ST6GALNAC2: variants seen among roughly 807,000 people sequenced by gnomAD.
ST6GALNAC2 encodes the protein ST6 N-acetylgalactosaminide alpha-2,6-sialyltransferase 2, also known as alpha-N-acetylgalactosaminide alpha-2,6-sialyltransferase 2.
In ST6GALNAC2, 42 loss-of-function variants were observed where a neutral mutation model predicts 38.7. The ratio of observed to expected loss-of-function variants is 1.09; its 90% confidence interval spans 0.85 to 1.40. The LOEUF (loss-of-function observed/expected upper bound fraction) is 1.40. Among genes scored for constraint, ST6GALNAC2 ranks in the 40% most tolerant of loss-of-function variants. The pLI is 0.00. For missense variants in ST6GALNAC2, 506 were observed against 481.7 expected (o/e 1.05, Z -0.47); for synonymous variants, 233 against 209.0 (o/e 1.11, Z -0.99).
At chr17:76,585,133 C>A (rs967643163) in intron 1 of ST6GALNAC2, among the ~76,000 whole-genome samples, 1 of 152,234 alleles carries the variant, frequency 6.6e-6, no homozygotes, top group African/African-American at 2.4e-5. Context: ...CGCGCCCGCA[C>A]TGGGCTTATC....
intron 7 of ST6GALNAC2, 163 bp from the exon 8 acceptor site, chr17:76,567,715 C>A: frequency 3.6e-6 from 2 of 560,788 alleles, no homozygotes. Flanking sequence ...ATCTTTGAGA[C>A]CTTAGGTAAG....
chr17:76,567,852 C>G (rs2075304256), intron 7 of ST6GALNAC2: 5 of 334,112 alleles, frequency 1.5e-5, no homozygotes, highest in South Asian at 1.5e-4. Flanking sequence ...TAGCCTGAGA[C>G]TGCAGTTTCT....
At chr17:76,581,516 G>A (rs568438731) in intron 1 of ST6GALNAC2, among the ~76,000 whole-genome samples, 1 of 152,172 alleles carries the variant, frequency 6.6e-6, no homozygotes, top group Non-Finnish European at 1.5e-5. Context: ...TGCGGGACAG[G>A]GCAGAGTTGA....
chr17:76,566,086 G>A lies in ST6GALNAC2; in HGVS notation c.*18C>T, dbSNP rs763798211. On this transcript the variant is annotated 3_prime_UTR_variant, in exon 9 of 9. Transcript: ENST00000225276. ...GGGCCGCAACTCTTGAAGAAGCAAA[G>A]GGCTCAGTGCATTGGGGTCAGCGCT... The A allele has an allele frequency of 1.2e-6, 2 of 1,600,968 alleles. No homozygotes were observed. The highest frequency in any genetic ancestry group is 1.1e-5 in the South Asian group (1 of 89,620).
intron 2 of ST6GALNAC2, among the ~76,000 whole-genome samples, chr17:76,577,573 A>ATTT (rs71158024): frequency 4.7e-4 from 55 of 117,104 alleles, no homozygotes; most frequent in South Asian, 8.4e-4. Flanking sequence ...TGGCCTCTGT[A>ATTT]TTTTTTTTTT....
At chr17:76,570,890 G>T in intron 5 of ST6GALNAC2, 2 of 526,256 alleles carry the variant, frequency 3.8e-6, no homozygotes, top group Non-Finnish European at 6.9e-6. Flanking sequence ...CCTGGAGTAT[G>T]GGCTGGACTT....
At chr17:76,579,880 G>GT (rs1297345478) in intron 1 of ST6GALNAC2, among the ~76,000 whole-genome samples, 1 of 152,158 alleles carries the variant, frequency 6.6e-6, no homozygotes, top group Non-Finnish European at 1.5e-5. Context: ...GTAACTCTCT[G>GT]TTTTTTGTAA....
chr17:76,583,549 A>C (rs1811823219), intron 1 of ST6GALNAC2, among the ~76,000 whole-genome samples: 1 of 151,504 alleles, frequency 6.6e-6, no homozygotes, highest in South Asian at 2.1e-4. Context: ...TTCATTTCTT[A>C]CAGTTATGGA....
intron 2 of ST6GALNAC2, among the ~76,000 whole-genome samples, chr17:76,575,066 T>C (rs9906851): frequency 0.71 from 107,465 of 151,996 alleles, 39,273 homozygotes; most frequent in East Asian, 0.84. Context: ...CCAGAGGCCA[T>C]GTCCCCTTGG....
At chr17:76,566,699 T>A (rs1490224705) in intron 8 of ST6GALNAC2, among the ~76,000 whole-genome samples, 7 of 146,472 alleles carry the variant, frequency 4.8e-5, no homozygotes, top group South Asian at 4.3e-4. Context: ...CTACAAAAAG[T>A]AAAAAAAAAA....
chr17:76,585,248 G>A (rs977124510), intron 1 of ST6GALNAC2, among the ~76,000 whole-genome samples: 16 of 152,216 alleles, frequency 1.1e-4, no homozygotes, highest in African/African-American at 3.6e-4. Context: ...GAGGGTCCCC[G>A]CGAAGTTGGA....
At chr17:76,582,420 C>T (rs1242692773) in intron 1 of ST6GALNAC2, among the ~76,000 whole-genome samples, 1 of 147,576 alleles carries the variant, frequency 6.8e-6, no homozygotes, top group Non-Finnish European at 1.5e-5. Context: ...CTGCCTGCCT[C>T]AGCCTCCCAA....
In ST6GALNAC2 at chr17:76,572,769, A is replaced by T; in HGVS notation, c.537T>A (p.Asn179Lys). Residue 179 changes from asparagine (N) to lysine (K), a missense_variant, in exon 5 of 9, where the codon AAT becomes AAA. Coordinates refer to ENST00000225276, the MANE Select transcript of ST6GALNAC2 (RefSeq NM_006456.3). ...GCTCGAAGCCTTTGATCACAGCTCC[A>T]TTGAGTCTGGTTGGCACAGAGGCCC... ...IDAHDYVFRL[N>K]GAVIKGFERD... 1 of 1,613,950 alleles carries T rather than the reference A, an allele frequency of 6.2e-7. No individual in the cohort carries two copies. Among genetic ancestry groups the T allele is most frequent in the Middle Eastern group, 1.6e-4 (1 of 6,062 alleles).
intron 1 of ST6GALNAC2, chr17:76,579,035 T>C: frequency 3.0e-6 from 1 of 329,360 alleles, no homozygotes; most frequent in Non-Finnish European, 5.7e-6. Context: ...TTCTCCTGCC[T>C]CAGCCTCCTG....
chr17:76,578,435 A>T (rs1408372020), intron 2 of ST6GALNAC2, among the ~76,000 whole-genome samples: 4 of 152,186 alleles, frequency 2.6e-5, no homozygotes, highest in Non-Finnish European at 5.9e-5. Flanking sequence ...TGTGACTTTT[A>T]TAGGAAGTAG....
At chr17:76,575,559 C>A (rs141403334) in intron 2 of ST6GALNAC2, among the ~76,000 whole-genome samples, 4 of 152,198 alleles carry the variant, frequency 2.6e-5, no homozygotes, top group African/African-American at 9.6e-5. Context: ...TTCGAGCCTT[C>A]GGAGGGAGCG....
intron 2 of ST6GALNAC2, among the ~76,000 whole-genome samples, chr17:76,577,162 G>C (rs1174715492): frequency 6.7e-6 from 1 of 148,956 alleles, no homozygotes; most frequent in African/African-American, 2.5e-5. Context: ...CACCTCCCAG[G>C]TTCAAGTGAT....
chr17:76,568,932 G>T, intron 6 of ST6GALNAC2, 136 bp from the exon 7 acceptor site: 2 of 749,120 alleles, frequency 2.7e-6, no homozygotes, highest in African/African-American at 1.8e-5. Flanking sequence ...AGTAGCGGGA[G>T]AAGGGGGTGT....
chr17:76,572,734 C>A lies in ST6GALNAC2; in HGVS notation c.572G>T (p.Gly191Val). The A allele has an allele frequency of 1.2e-6, 2 of 1,614,174 alleles. No homozygotes were observed. The highest frequency in any genetic ancestry group is 1.7e-6 in the Non-Finnish European group (2 of 1,180,012). The change falls in exon 5 of 9, where the codon GGC (glycine) becomes GTC (valine). Residue 191 changes from glycine (G) to valine (V), a missense_variant. Transcript: ENST00000225276. The part of the protein sequence containing the change: ...AVIKGFERDV[G>V]TKTSFYGFTV... ...GAAACCATAGAAGGAAGTCTTGGTG[C>A]CCACATCGCGCTCGAAGCCTTTGAT... is the stretch of plus-strand genomic sequence containing the variant.
Sources: gnomAD v4.1 joint callset for allele counts (sites outside exome capture counted in the v4.1 genomes callset) on GRCh38, gnomAD v4.1.1 for gene constraint, MANE v1.5 for transcripts, NCBI Gene and HGNC (gene_info 2026-07-23, HGNC 2026-07-21) for gene names.